Variants in DLG4 observed in about 807,000 individuals in gnomAD.
DLG4 encodes the protein discs large MAGUK scaffold protein 4.
A neutral mutation model predicts 93.8 loss-of-function variants in DLG4; 7 were observed. The ratio of observed to expected loss-of-function variants is 0.07; its 90% CI spans 0.04 to 0.14. The LOEUF (loss-of-function observed/expected upper bound fraction) is 0.14, where lower values mean the gene tolerates loss of function less well. Among genes scored for constraint, DLG4 ranks in the 10% least tolerant of loss-of-function variants. DLG4 has a pLI of 1.00. For missense variants in DLG4, 545 were observed against 992.9 expected (o/e 0.55, Z 6.06); for synonymous variants, 341 against 387.6 (o/e 0.88, Z 1.41).
At chr17:7,207,432 G>A (rs2070517468) in intron 2 of DLG4, among the ~76,000 whole-genome samples, 1 of 152,114 alleles carries the variant, frequency 6.6e-6, no homozygotes, top group Non-Finnish European at 1.5e-5. Flanking sequence ...TGGGGCAGGG[G>A]ACGAGGCAGC....
At chr17:7,197,179 G>T in intron 8 of DLG4, 127 bp from the exon 9 acceptor site, 3 of 927,332 alleles carry the variant, frequency 3.2e-6, no homozygotes, top group Non-Finnish European at 4.8e-6. Flanking sequence ...GAGATGCCAG[G>T]GTGGGGTGGT....
rs560964780 is a variant in DLG4 at position 7,204,127 on chromosome 17, G to A, written c.151-60C>T. 93 of 1,598,504 alleles carry A rather than the reference G, an allele frequency of 5.8e-5. No homozygotes were observed. In the African/African-American group the frequency reaches 1.1e-3, roughly 19 times the overall value. ...GACATTCCTGTCTGACCACCTGCCC[G>A]TCATCTGCTGCCCTCCCTTACTCCC... On this transcript the variant is annotated intron_variant, in intron 3 of 19. Coordinates refer to ENST00000399506, the MANE Select transcript of DLG4 (RefSeq NM_001321075.3).
At chr17:7,192,312 A>T in intron 17 of DLG4, 5 of 343,230 alleles carry the variant, frequency 1.5e-5, no homozygotes, top group Non-Finnish European at 2.1e-5. Context: ...GGCAGCAGCG[A>T]GTGGGGCGGG....
upstream of DLG4, chr17:7,218,377 G>C (rs2071032108): frequency 2.8e-6 from 4 of 1,452,956 alleles, no homozygotes; most frequent in African/African-American, 4.2e-5. Flanking sequence ...GGCAAGGGAG[G>C]AGCCCTTTCA....
At chr17:7,219,786 T>C, upstream of DLG4, 1 of 1,502,076 alleles carries the variant, frequency 6.7e-7, no homozygotes, top group Non-Finnish European at 8.9e-7. Flanking sequence ...GAGGGACGCT[T>C]GGAGATCCCT....
At chr17:7,201,554 TAGC>T (rs1013062312) in intron 8 of DLG4, among the ~76,000 whole-genome samples, 2 of 152,162 alleles carry the variant, frequency 1.3e-5, no homozygotes, top group African/African-American at 4.8e-5. Context: ...TGAAGAATAA[TAGC>T]AGTGGGAAGA....
chr17:7,198,667 G>A (rs1449766923), intron 8 of DLG4, among the ~76,000 whole-genome samples: 2 of 151,124 alleles, frequency 1.3e-5, no homozygotes, highest in East Asian at 3.9e-4. Flanking sequence ...GGCCAAGATG[G>A]TGAAATCCCA....
chr17:7,218,452 G>T, upstream of DLG4: 2 of 1,436,642 alleles, frequency 1.4e-6, no homozygotes, highest in Non-Finnish European at 1.9e-6. Context: ...CTCCAGCTTG[G>T]ACCAAATGAT....
At chr17:7,198,835 G>A (rs1200345606) in intron 8 of DLG4, among the ~76,000 whole-genome samples, 2 of 143,986 alleles carry the variant, frequency 1.4e-5, no homozygotes, top group Non-Finnish European at 3.0e-5. Context: ...GTGACAGAGT[G>A]AGACTCCATC....
chr17:7,194,283 C>G lies in DLG4; in HGVS notation c.1478+36G>C. The G allele has an allele frequency of 6.3e-7, 1 of 1,581,232 alleles. No individual in the cohort carries two copies. Among genetic ancestry groups the G allele is most frequent in the East Asian group, 2.3e-5 (1 of 42,970 alleles). ...CGGGGGACCTTGGGAACTTCAGTGC[C>G]TGTGGCAGGAAGGCTACAGAGCCCA... On this transcript the variant is annotated intron_variant, in intron 12 of 19. Coordinates refer to ENST00000399506, the MANE Select transcript of DLG4 (RefSeq NM_001321075.3). This position sits in a 1 kb window ranked among gnomAD's most constrained non-coding sequence, Gnocchi z 4.4.
Position 7,208,064 on chromosome 17 carries a change from G to C in DLG4, c.96+110C>G. ...GGCCGCACTGGGGAGGGGGCCACCA[G>C]GGTCTCCTACCTTGAAGGGGGAGAG... On this transcript the variant is annotated intron_variant, in intron 2 of 19. Coordinates refer to ENST00000399506, the MANE Select transcript of DLG4 (RefSeq NM_001321075.3). This position sits in a 1 kb window ranked among gnomAD's most constrained non-coding sequence, Gnocchi z 5.4. 7.6e-7 allele frequency: 1 copy of C among 1,307,854 alleles called. No homozygotes were observed. The highest frequency in any genetic ancestry group is 9.8e-7 in the Non-Finnish European group (1 of 1,020,678). The allele number at this position is 1,307,854 out of a possible 1,614,324, so 81.0% of individuals were successfully genotyped here. A position where few individuals can be genotyped will look rare whatever the true frequency, so the allele number is the denominator to read the frequency against.
At chr17:7,200,846 G>A (rs576669906) in intron 8 of DLG4, among the ~76,000 whole-genome samples, 165 of 137,642 alleles carry the variant, frequency 1.2e-3, no homozygotes, top group African/African-American at 4.4e-3. Context: ...GGCGCGCCCA[G>A]CCTGTTTTGG....
At position 7,217,236 on chromosome 17, in the gene DLG4, C is replaced by A; in HGVS notation, c.-89G>T. The stretch of plus-strand genomic sequence containing the variant: ...CCTCCGTGGGTTCTCACCCCTCCCC[C>A]CTCCGCACCCCACTTTTGCAGGGGG... On this transcript the variant is annotated 5_prime_UTR_variant, in exon 1 of 20. Transcript: ENST00000399506. 8.0e-7 allele frequency: 1 copy of A among 1,257,578 alleles called. No homozygotes were observed. 77.9% of individuals were successfully genotyped at this position (1,257,578 alleles called of 1,614,324 possible).
At chr17:7,201,372 T>C (rs2070125421) in intron 8 of DLG4, among the ~76,000 whole-genome samples, 1 of 152,212 alleles carries the variant, frequency 6.6e-6, no homozygotes, top group Non-Finnish European at 1.5e-5. Flanking sequence ...AATTCTGTCA[T>C]AACATTTTTT....
rs879645715 is a variant in DLG4, at chr17:7,188,887, G to A, written c.*1821C>T. Among the ~76,000 whole-genome samples the A allele has an allele frequency of 2.6e-5, 4 of 152,080 alleles. No homozygotes were observed. Among genetic ancestry groups the A allele is most frequent in the African/African-American group, 4.8e-5 (2 of 41,380 alleles). ...AACACTGTGGGAGGCCAAGCTGGGC[G>A]GATCACCTGAGGTCAGGAGTTCGAG... On this transcript the variant is annotated 3_prime_UTR_variant, in exon 20 of 20. Transcript: ENST00000399506.
At chr17:7,201,004 C>A (rs1296177640) in intron 8 of DLG4, among the ~76,000 whole-genome samples, 6 of 151,770 alleles carry the variant, frequency 4.0e-5, no homozygotes, top group African/African-American at 1.2e-4. Context: ...GTATTACAGG[C>A]GCTCGCCACC....
At chr17:7,219,477 C>A, upstream of DLG4, 2 of 1,038,626 alleles carry the variant, frequency 1.9e-6, no homozygotes, top group Non-Finnish European at 2.3e-6. Context: ...AGGGTACTCA[C>A]ACCCTAGCTT....
chr17:7,206,853 C>T (rs546495674), intron 2 of DLG4, among the ~76,000 whole-genome samples: 105 of 152,256 alleles, frequency 6.9e-4, no homozygotes, highest in Non-Finnish European at 1.1e-3. Context: ...TCAGCAACCT[C>T]CCCCTTCCCA....
chr17:7,199,493 G>A (rs987623005), intron 8 of DLG4, among the ~76,000 whole-genome samples: 7 of 151,858 alleles, frequency 4.6e-5, no homozygotes, highest in Admixed American at 6.6e-5. Flanking sequence ...GAGCCACCGC[G>A]CCCAGCCAAA....
Sources: allele counts gnomAD v4.1 joint callset (sites outside exome capture counted in the v4.1 genomes callset), GRCh38; gene constraint gnomAD v4.1.1; non-coding constraint Gnocchi (gnomAD v3.1); transcripts MANE v1.5; gene names NCBI Gene and HGNC (gene_info 2026-07-23, HGNC 2026-07-21).